The following RPAIN variants were observed in gnomAD, a reference collection of about 807,000 sequenced individuals.
The protein encoded by RPAIN is RPA-interacting protein.
Under a neutral mutation model 30.5 loss-of-function variants are expected in RPAIN, and 29 were observed. The observed-to-expected ratio is 0.95, with a 90% CI of 0.71 to 1.30. RPAIN has a LOEUF of 1.30. Ranked by LOEUF, RPAIN falls within the 50% of genes most tolerant of loss-of-function variation. The probability of loss-of-function intolerance (pLI) is 0.00; values close to 1 mark genes in which losing one functional copy is unlikely to be tolerated. For missense variants in RPAIN, 247 were observed against 264.7 expected (o/e 0.93, Z 0.46); for synonymous variants, 101 against 93.5 (o/e 1.08, Z -0.46).
At position 5,428,112 on chromosome 17, in the gene RPAIN, G is replaced by C; in HGVS notation, c.531G>C (p.Glu177Asp). ...AGCAGAAGCTTCGTGCCTGTTTAGA[G>C]GGTAGTATAAATGAGCACAGTGCAC... Reference protein sequence around the residue: ...LTEQKLRACLEGSINEHSAHC... With the variant: ...LTEQKLRACLDGSINEHSAHC... The change falls in exon 6 of 7, where the codon GAG becomes GAC. Residue 177 changes from glutamate (E) to aspartate (D), a missense_variant. By Grantham distance (45) the Glu-to-Asp change is conservative. Transcript: ENST00000381209. 1.2e-6 allele frequency: 2 copies of C among 1,614,176 alleles called. No homozygotes were observed. The highest frequency in any genetic ancestry group is 1.1e-5 in the South Asian group (1 of 91,086).
In RPAIN at chr17:5,426,022, G is replaced by A; in HGVS notation, c.365G>A (p.Cys122Tyr). 6.2e-7 allele frequency: 1 copy of A among 1,614,004 alleles called. No homozygotes were observed. Among genetic ancestry groups the A allele is most frequent in the Non-Finnish European group, 8.5e-7 (1 of 1,179,972 alleles). Residue 122 changes from cysteine to tyrosine, a missense_variant, in exon 4 of 7, where the codon TGT (cysteine) becomes TAT (tyrosine). By Grantham distance (194) the Cys-to-Tyr change is radical (BLOSUM62 -2). Coordinates refer to ENST00000381209, the MANE Select transcript of RPAIN (RefSeq NM_001033002.4). ...YEKSLQFDEK[C>Y]LSIMLAEWEA... ...AAGAGCTTGCAGTTTGATGAAAAGT[G>A]TCTCAGCATCATGCTGGCTGAGTGG...
intron 1 of RPAIN, among the ~76,000 whole-genome samples, chr17:5,420,760 G>C (rs1914696702): frequency 6.6e-6 from 1 of 152,178 alleles, no homozygotes; most frequent in Admixed American, 6.6e-5. Context: ...ATACAGCAGA[G>C]TTTCTCAGCC....
At chr17:5,420,700 T>C (rs561688585) in intron 1 of RPAIN, among the ~76,000 whole-genome samples, 14 of 152,258 alleles carry the variant, frequency 9.2e-5, no homozygotes, top group African/African-American at 3.1e-4. Context: ...ACAGTGTGGT[T>C]ATTAGTAAGT....
intron 5 of RPAIN, 67 bp from the exon 6 acceptor site, chr17:5,428,004 G>A: frequency 6.6e-7 from 1 of 1,509,438 alleles, no homozygotes; most frequent in East Asian, 2.3e-5. Flanking sequence ...TTGGCATGAG[G>A]AATGAGGATT....
At position 5,428,217 on chromosome 17, in the gene RPAIN, C is replaced by T. The variant is rs757837617; in HGVS notation, c.630+6C>T. The stretch of plus-strand genomic sequence containing the variant: ...GTCTTCTCATGAGCTGTCTGGTAAG[C>T]GTCTCCTGGGACCCACTCTGTGGTA... On this transcript the variant is annotated splice_donor_region_variant and intron_variant, in intron 6 of 6. Transcript: ENST00000381209. 3.7e-5 allele frequency: 59 copies of T among 1,614,044 alleles called. No homozygotes were observed. Among genetic ancestry groups the T allele is most frequent in the Middle Eastern group, 1.6e-4 (1 of 6,084 alleles).
chr17:5,423,262 C>T (rs1915051046), intron 3 of RPAIN, among the ~76,000 whole-genome samples: 2 of 151,450 alleles, frequency 1.3e-5, no homozygotes, highest in Admixed American at 6.6e-5. Context: ...GTAATCCCAG[C>T]ATTTTGAGAG....
At chr17:5,425,094 G>C (rs985202545) in intron 3 of RPAIN, 4 of 301,656 alleles carry the variant, frequency 1.3e-5, no homozygotes, top group African/African-American at 6.7e-5. Flanking sequence ...TGCAGTTCTA[G>C]TGGAAAAGCA....
At chr17:5,432,235 C>T in intron 6 of RPAIN, 1 of 336,264 alleles carries the variant, frequency 3.0e-6, no homozygotes, top group South Asian at 5.0e-5. Flanking sequence ...AGTTTGAATA[C>T]AATCTTTCTG....
Position 5,432,687 on chromosome 17 carries a change from A to G in RPAIN, c.*116A>G, listed in dbSNP as rs976764856. 4.4e-5 allele frequency: 48 copies of G among 1,092,662 alleles called. No homozygotes were observed. Among genetic ancestry groups the G allele is most frequent in the Non-Finnish European group, 6.0e-5 (45 of 743,912 alleles). 67.7% of individuals were successfully genotyped at this position (1,092,662 alleles called of 1,614,324 possible). ...TATTTTGTATTGAAACTTTTAAACA[A>G]TACTGAAGAAAAAAAAACTTTTCCG... On this transcript the variant is annotated 3_prime_UTR_variant, in exon 7 of 7. Transcript: ENST00000381209.
chr17:5,432,717 CTG>C lies in RPAIN; in HGVS notation c.*148_*149del. ...GAAGAAAAAAAAACTTTTCCGACAT[CTG>C]TTCTTGGTCTTTTGTGACGCAGGTT... On this transcript the variant is annotated 3_prime_UTR_variant, in exon 7 of 7. Coordinates refer to ENST00000381209, the MANE Select transcript of RPAIN (RefSeq NM_001033002.4). 1.1e-6 allele frequency: 1 copy of C among 884,566 alleles called. No individual in the cohort carries two copies. Among genetic ancestry groups the C allele is most frequent in the Admixed American group, 2.7e-5 (1 of 36,734 alleles). The allele number at this position is 884,566 out of a possible 1,614,324, so 54.8% of individuals were successfully genotyped here. A position where few individuals can be genotyped will look rare whatever the true frequency, so the allele number is the denominator to read the frequency against.
chr17:5,428,387 C>T, intron 6 of RPAIN, 176 bp downstream of exon 6: 5 of 1,491,420 alleles, frequency 3.4e-6, no homozygotes, highest in Non-Finnish European at 3.6e-6. Context: ...AAAGGCCAGT[C>T]AGAAAGAAGG....
rs758229337 is a variant in RPAIN at position 5,425,339 on chromosome 17, C to CT, written c.314-618dup. 9.1e-3 allele frequency: 3,849 copies of CT among 421,014 alleles called. 7 individuals are homozygous for CT. Among genetic ancestry groups the CT allele is most frequent in the African/African-American group, 0.016 (768 of 47,680 alleles). The allele number at this position is 421,014 out of a possible 1,614,324, so 26.1% of individuals were successfully genotyped here. ...TCCTGGCATCAGAAATCAGTTCTCT[C>CT]TTTTTTTTTTTTTTGACACAGAGTC... On this transcript the variant is annotated intron_variant, in intron 3 of 6. Coordinates refer to ENST00000381209, the MANE Select transcript of RPAIN (RefSeq NM_001033002.4).
intron 3 of RPAIN, chr17:5,425,555 C>T (rs1346408738): frequency 4.3e-5 from 15 of 347,800 alleles, no homozygotes; most frequent in Non-Finnish European, 7.3e-5. Flanking sequence ...AGGCTGGTTT[C>T]GAACTCCTGA....
At chr17:5,421,205 T>C in intron 1 of RPAIN, 91 bp from the exon 2 acceptor site, 1 of 1,319,288 alleles carries the variant, frequency 7.6e-7, no homozygotes, top group Non-Finnish European at 1.0e-6. Context: ...GTCTATAAAC[T>C]TTCTTTAATG....
chr17:5,427,986 T>C, intron 5 of RPAIN, 85 bp from the exon 6 acceptor site: 1 of 1,342,920 alleles, frequency 7.4e-7, no homozygotes, highest in Non-Finnish European at 1.1e-6. Flanking sequence ...GAGCCACGGT[T>C]ATATTGGTTG....
In RPAIN at chr17:5,426,043, A is replaced by G; in HGVS notation, c.386A>G (p.Glu129Gly). 6.2e-7 allele frequency: 1 copy of G among 1,613,906 alleles called. No homozygotes were observed. The highest frequency in any genetic ancestry group is 8.5e-7 in the Non-Finnish European group (1 of 1,179,876). Residue 129 changes from glutamate (E) to glycine (G), a missense_variant, in exon 4 of 7, where the codon GAG (glutamate) becomes GGG (glycine). Physicochemically the swap from Glu to Gly is moderately conservative, Grantham distance 98 (BLOSUM62 -2). Transcript: ENST00000381209. ...DEKCLSIMLA[E>G]WEANPLICPV... is the part of the protein sequence containing the mutation. ...AAGTGTCTCAGCATCATGCTGGCTG[A>G]GTGGGAGGCAAACCCACTCATCTGT...
chr17:5,426,395 A>C, intron 5 of RPAIN, 96 bp downstream of exon 5: 1 of 1,063,982 alleles, frequency 9.4e-7, no homozygotes, highest in Non-Finnish European at 1.5e-6. Flanking sequence ...CATTGTGCAT[A>C]TTTCTTCCCA....
chr17:5,428,555 G>A (rs184703841), intron 6 of RPAIN: 24 of 1,251,914 alleles, frequency 1.9e-5, no homozygotes, highest in African/African-American at 1.1e-4. Flanking sequence ...CCACTTTTGC[G>A]GAAGGAAACA....
chr17:5,429,638 A>C (rs1915719897), intron 6 of RPAIN: 1 of 985,288 alleles, frequency 1.0e-6, no homozygotes. Context: ...AGTTTAAATA[A>C]AACCCCTCAC....
Sources: gnomAD v4.1 joint callset for allele counts (sites outside exome capture counted in the v4.1 genomes callset) on GRCh38, gnomAD v4.1.1 for gene constraint, MANE v1.5 for transcripts, NCBI Gene and HGNC (gene_info 2026-07-23, HGNC 2026-07-21) for gene names.